Variants in VSTM2B observed in about 807,000 individuals in gnomAD.
VSTM2B encodes V-set and transmembrane domain containing 2B.
VSTM2B carries 24 observed loss-of-function variants against 24.0 expected under a neutral mutation model. The observed-to-expected ratio is 1.00, with a 90% CI of 0.72 to 1.40. The LOEUF (loss-of-function observed/expected upper bound fraction) is 1.40, where lower values mean the gene tolerates loss of function less well. Among genes scored for constraint, VSTM2B ranks in the 40% most tolerant of loss-of-function variants. VSTM2B has a pLI of 0.00. For missense variants in VSTM2B, 399 were observed against 416.4 expected (o/e 0.96, Z 0.36); for synonymous variants, 226 against 194.4 (o/e 1.16, Z -1.35).
chr19:29,528,942 G>A (rs1969654841), intron 3 of VSTM2B: 3 of 985,466 alleles, frequency 3.0e-6, no homozygotes, highest in Non-Finnish European at 2.4e-6. Context: ...GGTGTTGCAG[G>A]CTTGCAGGGG....
chr19:29,543,154 C>T (rs753258852), intron 4 of VSTM2B, among the ~76,000 whole-genome samples: 3 of 152,156 alleles, frequency 2.0e-5, no homozygotes, highest in Non-Finnish European at 4.4e-5. Flanking sequence ...TTTTTTCAGG[C>T]ATTTAAGAAA....
chr19:29,538,019 C>G (rs1406399493), intron 4 of VSTM2B, among the ~76,000 whole-genome samples: 2 of 152,218 alleles, frequency 1.3e-5, no homozygotes, highest in African/African-American at 4.8e-5. Context: ...GCATTCTCTC[C>G]TGACATTTCA....
In VSTM2B at chr19:29,530,006, C is replaced by T; in HGVS notation, c.485C>T (p.Ala162Val). The T allele has an allele frequency of 6.5e-7, 1 of 1,540,520 alleles. No homozygotes were observed. Residue 162 changes from alanine to valine, a missense_variant, in exon 4 of 5, where the codon GCC becomes GTC. Physicochemically the swap from Ala to Val is moderately conservative, Grantham distance 64. Transcript: ENST00000335523. Reference protein sequence around the residue: ...FAPPNMQAAEAVSHIQSSGPR... With the variant: ...FAPPNMQAAEVVSHIQSSGPR... ...CCGCCCAACATGCAGGCCGCCGAGG[C>T]CGTGTCCCACATCCAGAGCAGCGGC...
At chr19:29,538,564 A>G (rs1192053513) in intron 4 of VSTM2B, among the ~76,000 whole-genome samples, 1 of 152,178 alleles carries the variant, frequency 6.6e-6, no homozygotes, top group Admixed American at 6.5e-5. Context: ...TTGCATTGCT[A>G]TCAGGGAATA....
At position 29,529,884 on chromosome 19, in the gene VSTM2B, C is replaced by G; in HGVS notation, c.363C>G (p.Asp121Glu). 6.4e-7 allele frequency: 1 copy of G among 1,550,416 alleles called. No individual in the cohort carries two copies. Among genetic ancestry groups the G allele is most frequent in the Non-Finnish European group, 8.7e-7 (1 of 1,146,886 alleles). ...RLRLSAVRLQ[D>E]EGVYECRVSD... is the part of the protein sequence containing the mutation. The stretch of plus-strand genomic sequence containing the variant: ...GGCTGTCTGCCGTGCGGCTGCAGGA[C>G]GAGGGCGTGTACGAGTGCCGCGTGT... Residue 121 changes from aspartate (D) to glutamate (E), a missense_variant, in exon 4 of 5, where the codon GAC becomes GAG. Transcript: ENST00000335523.
chr19:29,539,458 G>C (rs556699189), intron 4 of VSTM2B, among the ~76,000 whole-genome samples: 7 of 152,256 alleles, frequency 4.6e-5, no homozygotes, highest in African/African-American at 1.4e-4. Flanking sequence ...TATAGCCAGA[G>C]AGCCTCCTGG....
At chr19:29,540,521 T>C (rs905346415) in intron 4 of VSTM2B, among the ~76,000 whole-genome samples, 1 of 152,248 alleles carries the variant, frequency 6.6e-6, no homozygotes, top group African/African-American at 2.4e-5. Flanking sequence ...CCAGCAGTTC[T>C]TTCCCTGTCC....
Position 29,556,584 on chromosome 19 carries a change from A to G in VSTM2B, c.770-7262A>G, listed in dbSNP as rs942535501. The stretch of plus-strand genomic sequence containing the variant: ...AAGGATATTCAAATAGGAAGAGAGG[A>G]AGTTGAACTGTTTGCAGATGACATG... On this transcript the variant is annotated intron_variant, in intron 4 of 4. Transcript: ENST00000335523. Among the ~76,000 whole-genome samples, 7 of 149,566 alleles carry G rather than the reference A, an allele frequency of 4.7e-5. No individual in the cohort carries two copies. The South Asian group carries it at 6.2e-4, about 13-fold the overall frequency.
chr19:29,538,012 T>C (rs1315969208), intron 4 of VSTM2B, among the ~76,000 whole-genome samples: 1 of 152,164 alleles, frequency 6.6e-6, no homozygotes. Context: ...AACCATCGCA[T>C]TCTCTCCTGA....
At chr19:29,558,440 G>A (rs8113827) in intron 4 of VSTM2B, among the ~76,000 whole-genome samples, 6,171 of 152,178 alleles carry the variant, frequency 0.041, 206 homozygotes, top group African/African-American at 0.076. Context: ...ATTCACAATA[G>A]CAAAGACATG....
chr19:29,556,674 G>T (rs1224847255), intron 4 of VSTM2B, among the ~76,000 whole-genome samples: 1 of 152,180 alleles, frequency 6.6e-6, no homozygotes, highest in African/African-American at 2.4e-5. Context: ...AGCAACTTCA[G>T]CACTCTCAGG....
intron 4 of VSTM2B, among the ~76,000 whole-genome samples, chr19:29,537,719 C>CCGCACCCACCTACTCTCT: frequency 7.0e-6 from 1 of 143,160 alleles, no homozygotes; most frequent in Non-Finnish European, 1.5e-5. Context: ...ACCTACTCTC[C>CCGCACCCACCTACTCTCT]CGCACCCACC....
In VSTM2B at chr19:29,530,083, G is replaced by T; in HGVS notation, c.562G>T (p.Ala188Ser). The change falls in exon 4 of 5, where the codon GCG becomes TCG. Residue 188 changes from alanine (A) to serine (S), a missense_variant. Transcript: ENST00000335523. ...CGCCAACGCCAACAACGCGGGCGCC[G>T]CGAGCCGTACCACCTCCGAGCCCGG... ...SAANANNAGA[A>S]SRTTSEPGRG... is the part of the protein sequence containing the mutation. The T allele has an allele frequency of 6.7e-7, 1 of 1,497,928 alleles. No individual in the cohort carries two copies. Among genetic ancestry groups the T allele is most frequent in the Non-Finnish European group, 8.8e-7 (1 of 1,132,202 alleles). The allele number at this position is 1,497,928 out of a possible 1,614,324, so 92.8% of individuals were successfully genotyped here. A position where few individuals can be genotyped will look rare whatever the true frequency, so the allele number is the denominator to read the frequency against.
chr19:29,528,373 G>A (rs903838966), intron 2 of VSTM2B, 60 bp from the exon 3 acceptor site: 3 of 1,550,188 alleles, frequency 1.9e-6, no homozygotes, highest in South Asian at 2.4e-5. Flanking sequence ...AGGCGGATCC[G>A]AGTTCCCCTA....
chr19:29,529,903 C>T lies in VSTM2B; in HGVS notation c.382C>T (p.Arg128Cys), dbSNP rs1219132025. ...GCAGGACGAGGGCGTGTACGAGTGC[C>T]GCGTGTCGGACTACAGCGACGACGA... The part of the protein sequence containing the change: ...RLQDEGVYEC[R>C]VSDYSDDDTQ... Residue 128 changes from arginine (R) to cysteine (C), a missense_variant, in exon 4 of 5, where the codon CGC becomes TGC. By Grantham distance (180) the Arg-to-Cys change is radical. Transcript: ENST00000335523. 5 of 1,550,224 alleles carry T rather than the reference C, an allele frequency of 3.2e-6. No individual in the cohort carries two copies. Among genetic ancestry groups the T allele is most frequent in the Non-Finnish European group, 4.4e-6 (5 of 1,146,880 alleles).
At chr19:29,541,551 G>C (rs1352999699) in intron 4 of VSTM2B, among the ~76,000 whole-genome samples, 3 of 152,012 alleles carry the variant, frequency 2.0e-5, no homozygotes, top group Admixed American at 2.0e-4. Flanking sequence ...TAGATGGGTG[G>C]AAGGAAGGAT....
intron 4 of VSTM2B, among the ~76,000 whole-genome samples, chr19:29,531,347 A>G (rs1286488994): frequency 6.6e-6 from 1 of 152,210 alleles, no homozygotes; most frequent in African/African-American, 2.4e-5. Flanking sequence ...GTACAGGTGC[A>G]TGTGAAACTT....
intron 4 of VSTM2B, among the ~76,000 whole-genome samples, chr19:29,560,291 A>T: frequency 6.6e-6 from 1 of 152,106 alleles, no homozygotes; most frequent in East Asian, 1.9e-4. Context: ...AACCACTATA[A>T]TATTGCTTAA....
chr19:29,527,445 G>A (rs1275356557), intron 2 of VSTM2B, 50 bp downstream of exon 2: 10 of 1,405,872 alleles, frequency 7.1e-6, no homozygotes, highest in Middle Eastern at 2.4e-4. Flanking sequence ...CGCGCCCGGG[G>A]CGGCGAAGGC....
Sources: allele counts gnomAD v4.1 joint callset (sites outside exome capture counted in the v4.1 genomes callset), GRCh38; gene constraint gnomAD v4.1.1; transcripts MANE v1.5; gene names NCBI Gene and HGNC (gene_info 2026-07-23, HGNC 2026-07-21).